CNGA3: variants seen among roughly 807,000 people sequenced by gnomAD.
The protein encoded by CNGA3 is cyclic nucleotide gated channel subunit alpha 3, also known as cyclic nucleotide-gated channel alpha-3.
A neutral mutation model predicts 46.6 loss-of-function variants in CNGA3; 42 were observed. That is an observed-to-expected ratio of 0.90 (90% CI 0.70 to 1.17). CNGA3 has a LOEUF of 1.17. Among genes scored for constraint, CNGA3 ranks in the 50% most tolerant of loss-of-function variants. The pLI is 0.00. For synonymous variants in CNGA3, 394 were observed against 369.4 expected (o/e 1.07, Z -0.76); for missense variants, 893 against 890.7 (o/e 1.00, Z -0.03).
chr2:98,348,532 G>T (rs1385369827), intron 1 of CNGA3, among the ~76,000 whole-genome samples: 1 of 152,172 alleles, frequency 6.6e-6, no homozygotes, highest in Non-Finnish European at 1.5e-5. Flanking sequence ...GCAGTGACCA[G>T]GTTCCAGAAC....
rs779023431 is a variant in CNGA3, at chr2:98,396,750, T to G, written c.1580T>G (p.Leu527Arg). The G allele has an allele frequency of 1.4e-5, 23 of 1,614,056 alleles. No individual in the cohort carries two copies. Among genetic ancestry groups the G allele is most frequent in the Non-Finnish European group, 1.9e-5 (23 of 1,180,050 alleles). The change falls in exon 8 of 8, where the codon CTG (leucine) becomes CGG (arginine). Residue 527 changes from leucine (L) to arginine (R), a missense_variant. By Grantham distance (102) the Leu-to-Arg change is moderately radical (BLOSUM62 -2). This residue lies in a region of CNGA3 where 548 missense variants were observed against 570.8 expected (regional missense o/e 0.96). Coordinates refer to ENST00000272602, the MANE Select transcript of CNGA3 (RefSeq NM_001298.3). The stretch of plus-strand genomic sequence containing the variant: ...ATGTACATCATCAACGAGGGCAAGC[T>G]GGCCGTGGTGGCTGATGATGGGGTC... Reference protein sequence around the residue: ...KEMYIINEGKLAVVADDGVTQ... With the variant: ...KEMYIINEGKRAVVADDGVTQ...
intron 1 of CNGA3, among the ~76,000 whole-genome samples, chr2:98,366,177 G>T (rs1485324582): frequency 2.0e-5 from 3 of 152,150 alleles, no homozygotes; most frequent in Non-Finnish European, 2.9e-5. Flanking sequence ...GTTTGCTGGG[G>T]ATCCTCTCCA....
chr2:98,368,441 C>G (rs914129529), intron 1 of CNGA3, among the ~76,000 whole-genome samples: 10 of 152,360 alleles, frequency 6.6e-5, no homozygotes, highest in African/African-American at 2.2e-4. Context: ...AATGCATCTT[C>G]CAGTGAAAGA....
Position 98,389,643 on chromosome 2 carries a change from T to C in CNGA3, c.450-15T>C. On this transcript the variant is annotated splice_polypyrimidine_tract_variant and intron_variant, in intron 5 of 7. Transcript: ENST00000272602. ...TGGAGCACAGTGCGCTGTTTGTGTA[T>C]GTGTGGGTTTCCAGGAAGAAGACGA... The C allele has an allele frequency of 6.2e-7, 1 of 1,607,930 alleles. No individual in the cohort carries two copies. Among genetic ancestry groups the C allele is most frequent in the Non-Finnish European group, 8.5e-7 (1 of 1,174,456 alleles).
At chr2:98,346,741 T>C (rs1691633467) in intron 1 of CNGA3, among the ~76,000 whole-genome samples, 1 of 152,028 alleles carries the variant, frequency 6.6e-6, no homozygotes, top group Non-Finnish European at 1.5e-5. Flanking sequence ...AAGGATCGGC[T>C]ACGGCCTCGG....
rs536017315 is a variant in CNGA3 at position 98,390,944 on chromosome 2, T to G, written c.567-920T>G. ...CGAGAGGAGACGATGCCTCTGGGGC[T>G]CTCCGGAGCCAGTATGCAAAATGAG... On this transcript the variant is annotated intron_variant, in intron 6 of 7. Transcript: ENST00000272602. 5.3e-5 allele frequency among the ~76,000 whole-genome samples: 8 copies of G among 152,192 alleles called. No individual in the cohort carries two copies. The East Asian group carries it at 9.7e-4, about 18-fold the overall frequency.
chr2:98,380,163 G>A lies in CNGA3; in HGVS notation c.216-12G>A. 6.2e-7 allele frequency: 1 copy of A among 1,613,956 alleles called. No individual in the cohort carries two copies. The highest frequency in any genetic ancestry group is 8.5e-7 in the Non-Finnish European group (1 of 1,180,048). ...CCTCTCCCTCTGGCTCAGTGCTTGTGTCACCTTCCAGGCTGTCGCGCCTCA... is the reference window on the plus strand; with the variant it reads ...CCTCTCCCTCTGGCTCAGTGCTTGTATCACCTTCCAGGCTGTCGCGCCTCA... On this transcript the variant is annotated splice_polypyrimidine_tract_variant and intron_variant, in intron 3 of 7. Transcript: ENST00000272602.
chr2:98,391,739 G>A (rs563182146), intron 6 of CNGA3, 125 bp from the exon 7 acceptor site: 119 of 846,050 alleles, frequency 1.4e-4, no homozygotes, highest in African/African-American at 1.4e-3. Flanking sequence ...TAGTGACACC[G>A]CAGGCAGGGC....
intron 3 of CNGA3, among the ~76,000 whole-genome samples, chr2:98,379,196 T>A (rs2104202634): frequency 6.6e-6 from 1 of 152,382 alleles, no homozygotes; most frequent in East Asian, 1.9e-4. Flanking sequence ...GCTGTAAGCA[T>A]CTGCCTACAG....
intron 5 of CNGA3, among the ~76,000 whole-genome samples, chr2:98,388,042 A>C (rs542088885): frequency 3.3e-5 from 5 of 152,332 alleles, no homozygotes; most frequent in Non-Finnish European, 7.3e-5. Context: ...TTCTCAATGT[A>C]TACTCAATGG....
chr2:98,380,321 T>A lies in CNGA3; in HGVS notation c.362T>A (p.Val121Glu), dbSNP rs1484986676. Reference protein sequence around the residue: ...SSQESNAQANVGSQEPADRGR... With the variant: ...SSQESNAQANEGSQEPADRGR... ...CAAGAAAGCAATGCCCAGGCAAATGTGGGCAGCCAGGAGCCAGCAGACAGA... is the reference window on the plus strand; with the variant it reads ...CAAGAAAGCAATGCCCAGGCAAATGAGGGCAGCCAGGAGCCAGCAGACAGA... The change falls in exon 4 of 8, where the codon GTG becomes GAG. Residue 121 changes from valine (V) to glutamate (E), a missense_variant. Val to Glu is a moderately radical substitution (Grantham distance 121). Transcript: ENST00000272602. The A allele has an allele frequency of 6.2e-7, 1 of 1,613,918 alleles. No individual in the cohort carries two copies. Among genetic ancestry groups the A allele is most frequent in the East Asian group, 2.2e-5 (1 of 44,860 alleles).
intron 6 of CNGA3, 117 bp from the exon 7 acceptor site, chr2:98,391,747 G>A: frequency 1.1e-6 from 1 of 918,330 alleles, no homozygotes; most frequent in South Asian, 1.4e-5. Flanking sequence ...CCGCAGGCAG[G>A]GCCATTCCCA....
At chr2:98,384,436 TCCAA>T (rs1237353355) in intron 5 of CNGA3, among the ~76,000 whole-genome samples, 1 of 152,194 alleles carries the variant, frequency 6.6e-6, no homozygotes, top group African/African-American at 2.4e-5. Flanking sequence ...TTTCTTGACT[TCCAA>T]CAGACAGAGA....
chr2:98,378,442 A>G (rs927495823), intron 3 of CNGA3, among the ~76,000 whole-genome samples: 19 of 152,222 alleles, frequency 1.2e-4, no homozygotes, highest in Admixed American at 1.0e-3. Flanking sequence ...CAGGTGCTCA[A>G]CAAACACCAG....
intron 1 of CNGA3, among the ~76,000 whole-genome samples, chr2:98,365,208 G>A (rs549958128): frequency 9.2e-5 from 14 of 152,248 alleles, no homozygotes; most frequent in South Asian, 2.1e-4. Flanking sequence ...TTGGGAAGCC[G>A]AGGCAGGCAA....
intron 2 of CNGA3, among the ~76,000 whole-genome samples, chr2:98,376,025 T>A (rs76883600): frequency 0.041 from 6,257 of 152,210 alleles, 159 homozygotes; most frequent in Non-Finnish European, 0.06. Context: ...TAGGATGGTG[T>A]TGGGAGGAAA....
intron 5 of CNGA3, among the ~76,000 whole-genome samples, chr2:98,384,770 G>T (rs1053433250): frequency 2.0e-5 from 3 of 152,172 alleles, no homozygotes; most frequent in Non-Finnish European, 4.4e-5. Context: ...CTTTGTCCTG[G>T]GGCTGGGGTG....
chr2:98,387,036 G>T (rs1692670130), intron 5 of CNGA3, among the ~76,000 whole-genome samples: 1 of 152,236 alleles, frequency 6.6e-6, no homozygotes, highest in South Asian at 2.1e-4. Context: ...TAAGTTTGCA[G>T]TAATTTGTTC....
chr2:98,366,677 G>C (rs1692159549), intron 1 of CNGA3, among the ~76,000 whole-genome samples: 1 of 152,228 alleles, frequency 6.6e-6, no homozygotes, highest in Admixed American at 6.5e-5. Context: ...ATCTGCCACA[G>C]CCGCTATGGT....
Sources: gnomAD v4.1 joint callset for allele counts (sites outside exome capture counted in the v4.1 genomes callset) on GRCh38, gnomAD v4.1.1 for gene constraint, gnomAD v4.1.1 regional missense constraint, MANE v1.5 for transcripts, NCBI Gene and HGNC (gene_info 2026-07-23, HGNC 2026-07-21) for gene names.